NID1: variants seen among roughly 807,000 people sequenced by gnomAD.
NID1 encodes the protein nidogen-1.
A neutral mutation model predicts 130.6 loss-of-function variants in NID1; 76 were observed. That is an observed-to-expected ratio of 0.58 (90% CI 0.48 to 0.70). The LOEUF (loss-of-function observed/expected upper bound fraction) is 0.70, where lower values mean the gene tolerates loss of function less well. NID1 is among the 30% of genes least tolerant of loss of function. NID1 has a pLI of 0.00. For missense variants in NID1, 1,517 were observed against 1,664.8 expected (o/e 0.91, Z 1.54); for synonymous variants, 665 against 675.1 (o/e 0.98, Z 0.23).
intron 14 of NID1, 114 bp from the exon 15 acceptor site, chr1:235,985,619 T>C: frequency 2.4e-6 from 3 of 1,273,620 alleles, no homozygotes; most frequent in Non-Finnish European, 3.2e-6. Context: ...GTCAAGTGTT[T>C]TGTTCATTTA....
chr1:236,058,482 C>A lies in NID1; in HGVS notation c.225+6373G>T, dbSNP rs569744428. 2.0e-5 allele frequency among the ~76,000 whole-genome samples: 3 copies of A among 152,296 alleles called. No homozygotes were observed. In the East Asian group the frequency reaches 5.8e-4, roughly 29 times the overall value. ...GGTAACAGCTGGAACCACTTATGTA[C>A]AATTGTTTCAACCCAACTGACAAGA... On this transcript the variant is annotated intron_variant, in intron 1 of 19. Transcript: ENST00000264187.
rs549058569 is a variant in NID1 at position 236,052,403 on chromosome 1, G to A, written c.226-3414C>T. Among the ~76,000 whole-genome samples, 402 of 152,272 alleles carry A rather than the reference G, an allele frequency of 2.6e-3. 6 individuals carry two copies. Among genetic ancestry groups the A allele is most frequent in the Non-Finnish European group, 8.7e-4 (59 of 68,018 alleles). On this transcript the variant is annotated intron_variant, in intron 1 of 19. Coordinates refer to ENST00000264187, the MANE Select transcript of NID1 (RefSeq NM_002508.3). ...GCACAATCCCCAAGGGCACTGGGCC[G>A]GGGAGTCCTCGGGCCCATGTGACCA...
rs1206553100 is a variant in NID1 at position 236,024,062 on chromosome 1, G to A, written c.2128+8C>T. ...CCAGCCCCAACAAGTCAGAATCAAA[G>A]GCTGTACCATAGCAGGTTCGCCCGT... On this transcript the variant is annotated splice_region_variant and intron_variant, in intron 9 of 19. Coordinates refer to ENST00000264187, the MANE Select transcript of NID1 (RefSeq NM_002508.3). 6.2e-7 allele frequency: 1 copy of A among 1,613,678 alleles called. No individual in the cohort carries two copies. Among genetic ancestry groups the A allele is most frequent in the Middle Eastern group, 1.8e-4 (1 of 5,672 alleles).
At chr1:236,020,977 C>T (rs996454808) in intron 9 of NID1, among the ~76,000 whole-genome samples, 1 of 152,182 alleles carries the variant, frequency 6.6e-6, no homozygotes. Flanking sequence ...TGAAGCACTC[C>T]CACTGTGGCA....
chr1:235,993,530 C>T, intron 13 of NID1, 115 bp downstream of exon 13: 3 of 944,280 alleles, frequency 3.2e-6, no homozygotes, highest in Non-Finnish European at 4.4e-6. Context: ...GGGCTGGAGC[C>T]AGTGGAACAG....
intron 12 of NID1, among the ~76,000 whole-genome samples, chr1:236,002,545 A>T (rs1290740874): frequency 1.3e-5 from 2 of 152,020 alleles, no homozygotes; most frequent in Non-Finnish European, 2.9e-5. Flanking sequence ...AAATGACGAT[A>T]AATCTGCGGT....
intron 1 of NID1, among the ~76,000 whole-genome samples, chr1:236,057,120 G>T (rs527272945): frequency 6.6e-6 from 1 of 152,042 alleles, no homozygotes; most frequent in Non-Finnish European, 1.5e-5. Flanking sequence ...TTAGCCAGGC[G>T]TGGTGGTGGG....
At chr1:236,042,616 A>T (rs1211804482) in intron 3 of NID1, among the ~76,000 whole-genome samples, 1 of 152,208 alleles carries the variant, frequency 6.6e-6, no homozygotes, top group African/African-American at 2.4e-5. Context: ...GCTCTACCTT[A>T]TGAGCTAAGG....
chr1:236,048,346 A>AAAATAAAT lies in NID1; in HGVS notation c.525+336_525+343dup, dbSNP rs34843286. 4.0e-3 allele frequency among the ~76,000 whole-genome samples: 609 copies of AAAATAAAT among 151,274 alleles called. 3 individuals are homozygous for AAAATAAAT. The highest frequency in any genetic ancestry group is 6.5e-3 in the Non-Finnish European group (443 of 67,796). On this transcript the variant is annotated intron_variant, in intron 2 of 19. Coordinates refer to ENST00000264187, the MANE Select transcript of NID1 (RefSeq NM_002508.3). ...CGAGACTCCATCTCAAAAAAAAAGA[A>AAAATAAAT]AAATAAATAAATAAATAAATAAATT...
chr1:235,993,953 C>T (rs985999092), intron 12 of NID1, 81 bp from the exon 13 acceptor site: 37 of 1,348,958 alleles, frequency 2.7e-5, no homozygotes, highest in Non-Finnish European at 3.8e-5. Flanking sequence ...GGAGTCCCCG[C>T]AGCTCGCTCA....
Position 236,064,989 on chromosome 1 carries a change from G to A in NID1, c.91C>T (p.Arg31Cys), listed in dbSNP as rs1483509083. Residue 31 changes from arginine to cysteine, a missense_variant, in exon 1 of 20, where the codon CGC (arginine) becomes TGC (cysteine). Arg to Cys is a radical substitution (Grantham distance 180). Around this residue, in one of 3 missense-constraint regions of NID1, gnomAD observed 1,329 missense variants for 1,429.2 expected, o/e 0.93. Coordinates refer to ENST00000264187, the MANE Select transcript of NID1 (RefSeq NM_002508.3). ...GGGCCGAAGGGAAAGAGCTCCTGGC[G>A]GCTCAGGCAGCCCACAGGCCCCGCC... is the stretch of plus-strand genomic sequence containing the variant. ...LLAGPVGCLS[R>C]QELFPFGPGQ... is the part of the protein sequence containing the mutation. 6 of 1,566,320 alleles carry A rather than the reference G, an allele frequency of 3.8e-6. No homozygotes were observed. In the East Asian group the frequency reaches 7.2e-5, roughly 19 times the overall value.
rs533835406 is a variant in NID1, at chr1:236,001,148, C to T, written c.2528-7276G>A. ...TTGGAGACAGAATATCACTGTCGCC[C>T]GGCCTGGAGTGAAGTGGTGCAATCT... On this transcript the variant is annotated intron_variant, in intron 12 of 19. Transcript: ENST00000264187. 5.3e-5 allele frequency among the ~76,000 whole-genome samples: 8 copies of T among 151,264 alleles called. No individual in the cohort carries two copies. In the East Asian group the frequency reaches 9.7e-4, roughly 18 times the overall value.
intron 3 of NID1, among the ~76,000 whole-genome samples, chr1:236,042,880 T>C (rs903969332): frequency 3.9e-5 from 6 of 152,100 alleles, no homozygotes; most frequent in Non-Finnish European, 7.4e-5. Flanking sequence ...GACCAAGGCA[T>C]GATTAGAAGG....
intron 6 of NID1, among the ~76,000 whole-genome samples, chr1:236,031,881 A>G (rs746997): frequency 0.42 from 64,493 of 152,064 alleles, 15,689 homozygotes; most frequent in African/African-American, 0.67. Context: ...AAGGATATCT[A>G]GGCTTCCTAA....
intron 10 of NID1, among the ~76,000 whole-genome samples, chr1:236,016,846 A>T (rs1222056149): frequency 6.6e-6 from 1 of 151,070 alleles, no homozygotes; most frequent in Non-Finnish European, 1.5e-5. Flanking sequence ...AATAGCTTAT[A>T]GTTATTAAAA....
At chr1:236,037,027 C>A (rs1214782004) in intron 5 of NID1, among the ~76,000 whole-genome samples, 1 of 152,286 alleles carries the variant, frequency 6.6e-6, no homozygotes, top group East Asian at 1.9e-4. Context: ...GGAATTAAGA[C>A]AAATTCCAGC....
At position 236,027,198 on chromosome 1, in the gene NID1, C is replaced by T. The variant is rs1049911694; in HGVS notation, c.1739-1057G>A. 2.0e-4 allele frequency among the ~76,000 whole-genome samples: 30 copies of T among 152,228 alleles called. 1 individual carries two copies. The highest frequency in any genetic ancestry group is 6.0e-4 in the African/African-American group (25 of 41,554). On this transcript the variant is annotated intron_variant, in intron 7 of 19. Transcript: ENST00000264187. ...GAGAGGAGAGACAGTCCTCCCCACT[C>T]AGAAGAGGGCCTGCTATGGCCCATA...
At chr1:236,051,732 G>A (rs1008431762) in intron 1 of NID1, among the ~76,000 whole-genome samples, 25 of 152,308 alleles carry the variant, frequency 1.6e-4, no homozygotes, top group South Asian at 1.5e-3. Context: ...TCACTCTCTC[G>A]AGCCGCCAGA....
intron 3 of NID1, among the ~76,000 whole-genome samples, chr1:236,043,785 A>C (rs970863600): frequency 3.3e-5 from 5 of 152,076 alleles, no homozygotes; most frequent in African/African-American, 7.2e-5. Flanking sequence ...GCGACAGAGC[A>C]AGACTCCATC....
Sources: allele counts gnomAD v4.1 joint callset (sites outside exome capture counted in the v4.1 genomes callset), GRCh38; gene constraint gnomAD v4.1.1; regional missense constraint gnomAD v4.1.1; transcripts MANE v1.5; gene names NCBI Gene and HGNC (gene_info 2026-07-23, HGNC 2026-07-21).